Variants in RAD51B observed in about 807,000 individuals in gnomAD.
The protein encoded by RAD51B is RAD51 paralog B, also known as DNA repair protein RAD51 homolog 2.
A neutral mutation model predicts 42.2 loss-of-function variants in RAD51B; 38 were observed. That is an observed-to-expected ratio of 0.90 (90% CI 0.70 to 1.18). RAD51B has a LOEUF of 1.18. RAD51B is among the 50% of genes most tolerant of loss of function. The pLI is 0.00. For missense variants in RAD51B, 373 were observed against 400.7 expected (o/e 0.93, Z 0.59); for synonymous variants, 154 against 145.2 (o/e 1.06, Z -0.43).
intron 7 of RAD51B, among the ~76,000 whole-genome samples, chr14:68,186,272 C>G (rs2079156398): frequency 6.6e-6 from 1 of 152,048 alleles, no homozygotes; most frequent in South Asian, 2.1e-4. Flanking sequence ...AGAAGAAAAC[C>G]TAGGAAATAC....
intron 4 of RAD51B, among the ~76,000 whole-genome samples, chr14:67,844,349 T>G (rs1361380846): frequency 6.6e-6 from 1 of 151,916 alleles, no homozygotes; most frequent in Non-Finnish European, 1.5e-5. Context: ...TGGGGAGTTC[T>G]GTAGATGTCT....
intron 7 of RAD51B, among the ~76,000 whole-genome samples, chr14:68,172,073 A>G (rs1428420213): frequency 6.6e-6 from 1 of 152,204 alleles, no homozygotes; most frequent in African/African-American, 2.4e-5. Flanking sequence ...TATCATAGCC[A>G]TGTTTAAATG....
intron 7 of RAD51B, among the ~76,000 whole-genome samples, chr14:68,070,182 C>T (rs966857858): frequency 6.6e-6 from 1 of 151,954 alleles, no homozygotes; most frequent in African/African-American, 2.4e-5. Context: ...GGATATTAGA[C>T]CTTGGTTGGA....
At chr14:67,941,802 A>G (rs1478821930) in intron 7 of RAD51B, among the ~76,000 whole-genome samples, 2 of 152,214 alleles carry the variant, frequency 1.3e-5, no homozygotes, top group Non-Finnish European at 2.9e-5. Flanking sequence ...TCTTTGAGTG[A>G]GTTTGCATAT....
chr14:68,571,419 T>C (rs1038874775), intron 10 of RAD51B, among the ~76,000 whole-genome samples: 7 of 152,162 alleles, frequency 4.6e-5, no homozygotes, highest in African/African-American at 1.7e-4. Flanking sequence ...GAAAGTGTTG[T>C]CTTGTTTTTT....
intron 9 of RAD51B, among the ~76,000 whole-genome samples, chr14:68,455,384 A>G (rs1262299398): frequency 1.3e-5 from 2 of 152,170 alleles, no homozygotes. Flanking sequence ...TCAGGCTGAA[A>G]TGAAAGGACA....
chr14:68,606,520 C>A (rs1322525391), intron 10 of RAD51B, among the ~76,000 whole-genome samples: 1 of 151,960 alleles, frequency 6.6e-6, no homozygotes, highest in Admixed American at 6.5e-5. Flanking sequence ...GACTTTTTTT[C>A]CTCCAAAAAT....
At chr14:67,961,597 T>C (rs954369354) in intron 7 of RAD51B, among the ~76,000 whole-genome samples, 5 of 152,222 alleles carry the variant, frequency 3.3e-5, no homozygotes, top group African/African-American at 9.7e-5. Flanking sequence ...ATATTTCAGT[T>C]CTCTGAAAAT....
chr14:68,625,943 C>T (rs1892070976), intron 10 of RAD51B, among the ~76,000 whole-genome samples: 1 of 152,186 alleles, frequency 6.6e-6, no homozygotes, highest in African/African-American at 2.4e-5. Flanking sequence ...GGTTCAGACT[C>T]CCCCATGGTG....
intron 7 of RAD51B, chr14:68,114,096 A>C (rs184574290): frequency 1.2e-3 from 182 of 152,190 alleles, no homozygotes; most frequent in African/African-American, 4.2e-3. Context: ...CACTGAATAC[A>C]TATATATGGT....
intron 7 of RAD51B, among the ~76,000 whole-genome samples, chr14:68,225,687 G>T (rs1248247953): frequency 6.6e-6 from 1 of 152,138 alleles, no homozygotes; most frequent in African/African-American, 2.4e-5. Flanking sequence ...AACTATGAAG[G>T]AATTTAAAGA....
chr14:68,117,324 G>C (rs2077567920), intron 7 of RAD51B, among the ~76,000 whole-genome samples: 1 of 152,030 alleles, frequency 6.6e-6, no homozygotes, highest in Admixed American at 6.6e-5. Context: ...AAGATCCTGG[G>C]TTATAAATTC....
chr14:68,433,252 C>T (rs2085059132), intron 9 of RAD51B, among the ~76,000 whole-genome samples: 1 of 152,116 alleles, frequency 6.6e-6, no homozygotes, highest in Non-Finnish European at 1.5e-5. Flanking sequence ...TGAGGAGTAT[C>T]TTTGTGGCGT....
At position 68,285,837 on chromosome 14, in the gene RAD51B, G is replaced by A. The variant is rs76262340; in HGVS notation, c.757-6047G>A. ...TTTAGTTTCAAAACTTCCCGTGGGC[G>A]CCGGAAATGATAACCACATGTTATC... is the stretch of plus-strand genomic sequence containing the variant. On this transcript the variant is annotated intron_variant, in intron 7 of 10. Transcript: ENST00000471583. Among the ~76,000 whole-genome samples the A allele has an allele frequency of 4.5e-3, 680 of 152,202 alleles. 6 individuals are homozygous for A. Among genetic ancestry groups the A allele is most frequent in the African/African-American group, 0.016 (651 of 41,512 alleles).
intron 10 of RAD51B, among the ~76,000 whole-genome samples, chr14:68,583,046 T>C (rs1594996646): frequency 6.6e-6 from 1 of 152,276 alleles, no homozygotes; most frequent in East Asian, 1.9e-4. Context: ...AAAAACCTAA[T>C]GTAGATAACA....
At chr14:68,216,221 A>G (rs1271747217) in intron 7 of RAD51B, among the ~76,000 whole-genome samples, 1 of 152,230 alleles carries the variant, frequency 6.6e-6, no homozygotes, top group African/African-American at 2.4e-5. Flanking sequence ...AGGGACTTTA[A>G]GTGAGTTACT....
intron 9 of RAD51B, chr14:68,421,805 GC>G: frequency 6.3e-7 from 1 of 1,597,986 alleles, no homozygotes; most frequent in Non-Finnish European, 8.5e-7. Flanking sequence ...CTTTCACTTT[GC>G]CAAAGAGCAC....
chr14:68,497,196 C>A, intron 10 of RAD51B: 15 of 1,385,036 alleles, frequency 1.1e-5, no homozygotes, highest in East Asian at 3.3e-5. Context: ...GCTTTTCTGC[C>A]ACAGAAACAA....
chr14:67,891,347 C>T (rs2043213467), intron 7 of RAD51B, among the ~76,000 whole-genome samples: 1 of 151,952 alleles, frequency 6.6e-6, no homozygotes, highest in Non-Finnish European at 1.5e-5. Context: ...TTTCTGTGGC[C>T]ATCTGTGTTC....
Sources: allele counts gnomAD v4.1 joint callset (sites outside exome capture counted in the v4.1 genomes callset), GRCh38; gene constraint gnomAD v4.1.1; transcripts MANE v1.5; gene names NCBI Gene and HGNC (gene_info 2026-07-23, HGNC 2026-07-21).